Variants in BEAN1 observed in about 807,000 individuals in gnomAD.
The protein encoded by BEAN1 is brain expressed associated with NEDD4 1.
In BEAN1, 17 loss-of-function variants were observed where a neutral mutation model predicts 17.7. The observed-to-expected ratio is 0.96, with a 90% CI of 0.66 to 1.44. The LOEUF (loss-of-function observed/expected upper bound fraction) is 1.44, where lower values mean the gene tolerates loss of function less well. Ranked by LOEUF, BEAN1 falls within the 40% of genes most tolerant of loss-of-function variation. The pLI, the probability that BEAN1 is intolerant of heterozygous loss-of-function variation, is 0.00. For synonymous variants in BEAN1, 142 were observed against 151.8 expected (o/e 0.94, Z 0.47); for missense variants, 359 against 374.1 (o/e 0.96, Z 0.33).
In BEAN1 at chr16:66,437,581, T is replaced by TG. The variant is rs1962077301; in HGVS notation, c.-82-14_-82-13insG. 1 of 1,397,830 alleles carries TG rather than the reference T, an allele frequency of 7.2e-7. No homozygotes were observed. Among genetic ancestry groups the TG allele is most frequent in the Non-Finnish European group, 9.7e-7 (1 of 1,034,682 alleles). The allele number at this position is 1,397,830 out of a possible 1,614,324, so 86.6% of individuals were successfully genotyped here. On this transcript the variant is annotated splice_polypyrimidine_tract_variant and intron_variant, in intron 1 of 4. Transcript: ENST00000536005. Reference sequence around the variant, plus strand: ...CATGGGCCCCCCAACACCTGCCTGTTTGTGTCTCCGCAGGTGAGTGGAGGG... The same window carrying TG: ...CATGGGCCCCCCAACACCTGCCTGTTGTGTGTCTCCGCAGGTGAGTGGAGGG...
chr16:66,437,547 T>G, intron 1 of BEAN1, 48 bp from the exon 2 acceptor site: 3 of 1,126,112 alleles, frequency 2.7e-6, no homozygotes, highest in Non-Finnish European at 3.7e-6. Flanking sequence ...GCAGGGGCTG[T>G]GGGTGCGCCA....
Position 66,481,133 on chromosome 16 carries a change from C to T in BEAN1, c.*208C>T, listed in dbSNP as rs898691764. ...CTCCACATATGTGTGAATATGCGCACATACAGGCCTACCACAAACACAAAA... is the reference window on the plus strand; with the variant it reads ...CTCCACATATGTGTGAATATGCGCATATACAGGCCTACCACAAACACAAAA... On this transcript the variant is annotated 3_prime_UTR_variant, in exon 5 of 5. Coordinates refer to ENST00000536005, the MANE Select transcript of BEAN1 (RefSeq NM_001178020.3). This position sits in a 1 kb window ranked among gnomAD's most constrained non-coding sequence, Gnocchi z 4.1. 7 of 451,484 alleles carry T rather than the reference C, an allele frequency of 1.6e-5. No homozygotes were observed. Among genetic ancestry groups the T allele is most frequent in the Admixed American group, 1.2e-4 (3 of 24,254 alleles). 28.0% of individuals were successfully genotyped at this position (451,484 alleles called of 1,614,324 possible).
At position 66,434,704 on chromosome 16, in the gene BEAN1, T is replaced by C. The variant is rs1477797080; in HGVS notation, c.-82-2891T>C. On this transcript the variant is annotated intron_variant, in intron 1 of 4. Coordinates refer to ENST00000536005, the MANE Select transcript of BEAN1 (RefSeq NM_001178020.3). The surrounding 1 kb of genome is among the most constrained non-coding windows in gnomAD (Gnocchi z 4.3). ...GCAGCCCGGGTTACTGTTGGCATCG[T>C]GGTCACCAATGGTGACAAGATGCCT... Among the ~76,000 whole-genome samples the C allele has an allele frequency of 6.6e-6, 1 of 152,158 alleles. No individual in the cohort carries two copies. The highest frequency in any genetic ancestry group is 1.5e-5 in the Non-Finnish European group (1 of 68,034).
chr16:66,484,932 A>G, downstream of BEAN1: 1 of 454,132 alleles, frequency 2.2e-6, no homozygotes, highest in Non-Finnish European at 4.4e-6. The surrounding 1 kb of genome is among the most constrained non-coding windows in gnomAD (Gnocchi z 4.2). Context: ...TCTGGCCAGA[A>G]AAAAGTCTTC....
intron 4 of BEAN1, among the ~76,000 whole-genome samples, chr16:66,480,205 G>A (rs1390856180): frequency 2.6e-5 from 4 of 152,284 alleles, no homozygotes; most frequent in African/African-American, 7.2e-5. Flanking sequence ...GAACTTTGGA[G>A]TGGCTGGAGA....
At chr16:66,486,064 A>C (rs1199367786), downstream of BEAN1, 1 of 152,216 alleles carries the variant, frequency 6.6e-6, no homozygotes, top group Non-Finnish European at 1.5e-5. Flanking sequence ...TCAGAACAAA[A>C]GTATGGAAGC....
In BEAN1 at chr16:66,469,740, T is replaced by TCACCTGCATCACC; in HGVS notation, c.164_165insCACCTGCATCACC (p.Val56ThrfsTer78). The TCACCTGCATCACC allele has an allele frequency of 6.5e-7, 1 of 1,536,130 alleles. No homozygotes were observed. ...ATCATCCTCTCCTGCATCACCATCA[T>TCACCTGCATCACC]TGTGGGCAGCATCCGCAGGGACAGG... On this transcript the variant is annotated frameshift_variant, in exon 3 of 5. Coordinates refer to ENST00000536005, the MANE Select transcript of BEAN1 (RefSeq NM_001178020.3). LOFTEE classifies it high-confidence loss of function.
At chr16:66,490,689 G>A (rs61097919) in intron 4 of BEAN1, among the ~76,000 whole-genome samples, 6,244 of 152,152 alleles carry the variant, frequency 0.041, 258 homozygotes, top group South Asian at 0.18. Context: ...AAGGCATGAG[G>A]CATTACTGGG....
intron 2 of BEAN1, among the ~76,000 whole-genome samples, chr16:66,450,311 G>T (rs187757329): frequency 6.6e-6 from 1 of 152,292 alleles, no homozygotes; most frequent in East Asian, 1.9e-4. Context: ...CATTGGCTTT[G>T]ATTGGCTTTG....
At chr16:66,448,564 G>A (rs1253986423) in intron 2 of BEAN1, among the ~76,000 whole-genome samples, 1 of 152,366 alleles carries the variant, frequency 6.6e-6, no homozygotes, top group East Asian at 1.9e-4. Context: ...GCTCACACCT[G>A]TAATCCCAGC....
intron 2 of BEAN1, among the ~76,000 whole-genome samples, chr16:66,438,812 C>A (rs1043485762): frequency 4.6e-5 from 7 of 152,154 alleles, no homozygotes; most frequent in Non-Finnish European, 1.0e-4. Flanking sequence ...GAGCCCCCCC[C>A]AAACCACCAC....
downstream of BEAN1, chr16:66,484,779 C>T (rs1368928825): frequency 2.2e-6 from 1 of 454,128 alleles, no homozygotes; most frequent in Non-Finnish European, 4.4e-6. The surrounding 1 kb of genome is among the most constrained non-coding windows in gnomAD (Gnocchi z 4.2). Context: ...CTCTGAGACA[C>T]AGAGTAGAAC....
At chr16:66,493,414 C>T in exon 5 of BEAN1, 2 of 619,600 alleles carry the variant, frequency 3.2e-6, no homozygotes, top group South Asian at 3.8e-5. Flanking sequence ...CCCCCAACAG[C>T]CTCCCCAGTG....
rs1173544941 is a variant in BEAN1 at position 66,427,464 on chromosome 16, G to C, written c.-83+33G>C. 1.3e-5 allele frequency: 2 copies of C among 151,138 alleles called. No homozygotes were observed. The highest frequency in any genetic ancestry group is 4.8e-5 in the African/African-American group (2 of 41,294). The allele number at this position is 151,138 out of a possible 1,614,324, so 9.4% of individuals were successfully genotyped here. On this transcript the variant is annotated intron_variant, in intron 1 of 4. Coordinates refer to ENST00000536005, the MANE Select transcript of BEAN1 (RefSeq NM_001178020.3). This position sits in a 1 kb window ranked among gnomAD's most constrained non-coding sequence, Gnocchi z 4.7. The stretch of plus-strand genomic sequence containing the variant: ...GCGTGGGGCTGGGCGGCGCGGGGGA[G>C]GGGCGGGCGGGGGGTCCCGGCCCCA...
chr16:66,454,933 A>G (rs1311330047), intron 2 of BEAN1, among the ~76,000 whole-genome samples: 1 of 152,120 alleles, frequency 6.6e-6, no homozygotes, highest in Non-Finnish European at 1.5e-5. Context: ...GGAGGCAGTC[A>G]TAGGCAAGAA....
rs1332391646 is a variant in BEAN1, at chr16:66,481,238, T to G, written c.*313T>G. 10 of 402,610 alleles carry G rather than the reference T, an allele frequency of 2.5e-5. No individual in the cohort carries two copies. Among genetic ancestry groups the G allele is most frequent in the Middle Eastern group, 6.2e-4 (1 of 1,606 alleles). The allele number at this position is 402,610 out of a possible 1,614,324, so 24.9% of individuals were successfully genotyped here. On this transcript the variant is annotated 3_prime_UTR_variant, in exon 5 of 5. Coordinates refer to ENST00000536005, the MANE Select transcript of BEAN1 (RefSeq NM_001178020.3). This position sits in a 1 kb window ranked among gnomAD's most constrained non-coding sequence, Gnocchi z 4.1. ...TCCCGGCCTGTTTGTTGTGCCTCTG[T>G]AGAGAGCGCTTCGGAGAGAGAGGCG...
Position 66,481,497 on chromosome 16 carries a change from A to C in BEAN1, c.*572A>C. ...CTCTCGATTCCAGGGCAGATGAGCC[A>C]CAACATCACCACCCTGCCACTTACA... On this transcript the variant is annotated 3_prime_UTR_variant, in exon 5 of 5. Transcript: ENST00000536005. The surrounding 1 kb of genome is among the most constrained non-coding windows in gnomAD (Gnocchi z 4.1). 1 of 364,404 alleles carries C rather than the reference A, an allele frequency of 2.7e-6. No homozygotes were observed. Among genetic ancestry groups the C allele is most frequent in the Middle Eastern group, 6.9e-4 (1 of 1,442 alleles). 22.6% of individuals were successfully genotyped at this position (364,404 alleles called of 1,614,324 possible). A position where few individuals can be genotyped will look rare whatever the true frequency, so the allele number is the denominator to read the frequency against.
At chr16:66,483,029 G>T (rs542000127), downstream of BEAN1, 15 of 385,156 alleles carry the variant, frequency 3.9e-5, no homozygotes, top group East Asian at 1.5e-4. Flanking sequence ...GCTAATTTTT[G>T]ATTTTGAATT....
intron 1 of BEAN1, among the ~76,000 whole-genome samples, chr16:66,430,751 A>T (rs1208486830): frequency 6.6e-6 from 1 of 152,162 alleles, no homozygotes; most frequent in Non-Finnish European, 1.5e-5. Flanking sequence ...TATATATCTT[A>T]TTCATTTGTC....
Sources: gnomAD v4.1 joint callset for allele counts (sites outside exome capture counted in the v4.1 genomes callset) on GRCh38, gnomAD v4.1.1 for gene constraint, Gnocchi (gnomAD v3.1) non-coding constraint, MANE v1.5 for transcripts, NCBI Gene and HGNC (gene_info 2026-07-23, HGNC 2026-07-21) for gene names.